Variants in DCAF1 observed in about 807,000 individuals in gnomAD.
The protein encoded by DCAF1 is DDB1- and CUL4-associated factor 1.
A neutral mutation model predicts 128.0 loss-of-function variants in DCAF1; 15 were observed. The observed-to-expected ratio is 0.12, with a 90% CI of 0.08 to 0.18. The LOEUF (loss-of-function observed/expected upper bound fraction) is 0.18, where lower values mean the gene tolerates loss of function less well. Ranked by LOEUF, DCAF1 falls within the 10% of genes least tolerant of loss-of-function variation. The pLI is 1.00. For synonymous variants in DCAF1, 610 were observed against 603.0 expected (o/e 1.01, Z -0.17); for missense variants, 988 against 1,649.5 (o/e 0.60, Z 6.95).
intron 2 of DCAF1, among the ~76,000 whole-genome samples, chr3:51,487,861 TA>T (rs1553656137): frequency 1.1e-3 from 164 of 151,670 alleles, no homozygotes; most frequent in African/African-American, 3.9e-3. Context: ...TTTATTTATT[TA>T]TTTATTTATT....
intron 6 of DCAF1, among the ~76,000 whole-genome samples, chr3:51,447,239 G>A (rs1286338472): frequency 3.3e-5 from 5 of 151,242 alleles, no homozygotes; most frequent in Admixed American, 1.3e-4. Context: ...GTGAAACCCC[G>A]TCTCTACTAA....
intron 3 of DCAF1, among the ~76,000 whole-genome samples, chr3:51,474,440 T>C (rs1359395604): frequency 6.6e-6 from 1 of 151,990 alleles, no homozygotes; most frequent in Non-Finnish European, 1.5e-5. Flanking sequence ...ACTAAATAAA[T>C]ATAAAAGAGT....
At chr3:51,465,687 G>C (rs1030891127) in intron 5 of DCAF1, among the ~76,000 whole-genome samples, 2 of 151,804 alleles carry the variant, frequency 1.3e-5, no homozygotes, top group African/African-American at 4.8e-5. Flanking sequence ...AGAGGTTGCA[G>C]TGAGCCGAGA....
At chr3:51,494,374 A>C (rs1397084880) in intron 2 of DCAF1, among the ~76,000 whole-genome samples, 1 of 151,920 alleles carries the variant, frequency 6.6e-6, no homozygotes, top group Admixed American at 6.6e-5. Context: ...TCAGCCTCCC[A>C]AAGTGCTGGG....
chr3:51,473,273 A>C (rs541047059), intron 3 of DCAF1, among the ~76,000 whole-genome samples: 1 of 151,216 alleles, frequency 6.6e-6, no homozygotes, highest in Admixed American at 6.6e-5. Flanking sequence ...AAAAAAAAAA[A>C]AAACAAGAAA....
chr3:51,448,688 G>A (rs577668245), intron 6 of DCAF1, among the ~76,000 whole-genome samples: 2 of 151,978 alleles, frequency 1.3e-5, no homozygotes, highest in Non-Finnish European at 2.9e-5. Flanking sequence ...AACTATTACC[G>A]GTATAGTATC....
intron 6 of DCAF1, among the ~76,000 whole-genome samples, chr3:51,455,826 G>A (rs1283266280): frequency 6.6e-6 from 1 of 152,048 alleles, no homozygotes; most frequent in Non-Finnish European, 1.5e-5. Context: ...GAACCTGGGA[G>A]GCGGAAGTTG....
intron 2 of DCAF1, among the ~76,000 whole-genome samples, chr3:51,495,832 C>A (rs1439517683): frequency 2.0e-5 from 3 of 152,086 alleles, no homozygotes; most frequent in Non-Finnish European, 4.4e-5. Context: ...GCTGCCCAGG[C>A]GGGAGTGCAG....
chr3:51,482,176 T>G (rs1553653073), intron 3 of DCAF1, among the ~76,000 whole-genome samples: 1 of 149,890 alleles, frequency 6.7e-6, no homozygotes, highest in Non-Finnish European at 1.5e-5. Context: ...GCCAGCACTG[T>G]GGCTTCGCCT....
intron 3 of DCAF1, among the ~76,000 whole-genome samples, chr3:51,481,459 A>T (rs948183927): frequency 3.3e-5 from 5 of 152,134 alleles, no homozygotes; most frequent in African/African-American, 1.2e-4. Context: ...TGGGAGGCCG[A>T]GGTGGGTGGA....
At chr3:51,458,527 T>C (rs1553643583) in intron 6 of DCAF1, among the ~76,000 whole-genome samples, 3 of 152,044 alleles carry the variant, frequency 2.0e-5, no homozygotes, top group Non-Finnish European at 2.9e-5. Context: ...TTAACAAGGA[T>C]ACCCAGGAAT....
intron 6 of DCAF1, 79 bp downstream of exon 6, chr3:51,463,035 A>G (rs1185595667): frequency 1.0e-6 from 1 of 969,508 alleles, no homozygotes; most frequent in Non-Finnish European, 1.4e-6. Context: ...TGTAACAATG[A>G]TTTTAACCAC....
intron 6 of DCAF1, among the ~76,000 whole-genome samples, chr3:51,450,050 T>A (rs1390171446): frequency 6.6e-6 from 1 of 152,126 alleles, no homozygotes; most frequent in Non-Finnish European, 1.5e-5. Flanking sequence ...ACGAAACATT[T>A]AAAGAAGAAT....
Position 51,470,928 on chromosome 3 carries a change from C to A in DCAF1, c.187+1G>T. 1 of 1,587,710 alleles carries A rather than the reference C, an allele frequency of 6.3e-7. No homozygotes were observed. The highest frequency in any genetic ancestry group is 8.6e-7 in the Non-Finnish European group (1 of 1,163,712). ...CCCACACTTAAGAGCACAAATCTTA[C>A]CAGGATGTCGATCATCAAATGGGTC... is the stretch of plus-strand genomic sequence containing the variant. On this transcript the variant is annotated splice_donor_variant, in intron 4 of 24. Transcript: ENST00000684031. LOFTEE classifies it high-confidence loss of function.
chr3:51,490,189 G>A (rs782126847), intron 2 of DCAF1, among the ~76,000 whole-genome samples: 1 of 152,194 alleles, frequency 6.6e-6, no homozygotes, highest in Non-Finnish European at 1.5e-5. Flanking sequence ...GCCAAGGTGG[G>A]TGGATTGCTT....
intron 17 of DCAF1, 32 bp from the exon 18 acceptor site, chr3:51,416,903 C>T (rs1161162554): frequency 2.5e-6 from 4 of 1,581,924 alleles, no homozygotes; most frequent in Non-Finnish European, 3.4e-6. Flanking sequence ...ACTGAAGTGA[C>T]AGATCTTCAG....
At chr3:51,440,911 T>A (rs1003188170) in intron 9 of DCAF1, 59 bp downstream of exon 9, 39 of 1,397,228 alleles carry the variant, frequency 2.8e-5, no homozygotes, top group South Asian at 1.8e-4. Context: ...ATCTTAAATT[T>A]AAAAAAAAAC....
At position 51,419,862 on chromosome 3, in the gene DCAF1, T is replaced by C. The variant is rs782232348; in HGVS notation, c.3108A>G (p.Gln1036=). 11 of 1,613,866 alleles carry C rather than the reference T, an allele frequency of 6.8e-6. No homozygotes were observed. The African/African-American group carries it at 1.3e-4, about 20-fold the overall frequency. Residue 1036 remains glutamine (Q), a synonymous_variant, in exon 15 of 25, where the codon CAA becomes CAG. Coordinates refer to ENST00000684031, the MANE Select transcript of DCAF1 (RefSeq NM_001387579.1). ...CPPFSLFTPH[Q]CPEPKQRRQA... ...GCCGCCTCTGTTTTGGCTCAGGACA[T>C]TGGTGAGGAGTAAAGAGGGAGAAAG... is the stretch of plus-strand genomic sequence containing the variant.
intron 20 of DCAF1, among the ~76,000 whole-genome samples, 156 bp downstream of exon 20, chr3:51,413,794 T>C (rs1175501499): frequency 1.3e-5 from 2 of 152,260 alleles, no homozygotes; most frequent in African/African-American, 4.8e-5. Context: ...TTCATATCTT[T>C]TGTCACCATT....
Sources: gnomAD v4.1 joint callset for allele counts (sites outside exome capture counted in the v4.1 genomes callset) on GRCh38, gnomAD v4.1.1 for gene constraint, MANE v1.5 for transcripts, NCBI Gene and HGNC (gene_info 2026-07-23, HGNC 2026-07-21) for gene names.